IRAG1: variants seen among roughly 807,000 people sequenced by gnomAD.
IRAG1 encodes inositol 1,4,5-triphosphate receptor associated 1.
Under a neutral mutation model 106.2 loss-of-function variants are expected in IRAG1, and 62 were observed. The ratio of observed to expected loss-of-function variants is 0.58; its 90% CI spans 0.48 to 0.72. The LOEUF (loss-of-function observed/expected upper bound fraction) is 0.72, where lower values mean the gene tolerates loss of function less well. Among genes scored for constraint, IRAG1 ranks in the 30% least tolerant of loss-of-function variants. The probability of loss-of-function intolerance (pLI) is 0.00; values close to 1 mark genes in which losing one functional copy is unlikely to be tolerated. For missense variants in IRAG1, 1,064 were observed against 1,140.7 expected, an observed-to-expected ratio of 0.93 and a Z score of 0.97; for synonymous variants, 462 against 443.9, an observed-to-expected ratio of 1.04 and a Z score of -0.51.
At chr11:10,650,663 C>T (rs145632998) in intron 2 of IRAG1, among the ~76,000 whole-genome samples, 144 of 152,270 alleles carry the variant, frequency 9.5e-4, no homozygotes, top group Non-Finnish European at 1.7e-3. Flanking sequence ...TTCCTTAATC[C>T]CCAAGCTTTT....
intron 1 of IRAG1, 21 bp from the exon 2 acceptor site, chr11:10,652,203 C>G: frequency 6.2e-7 from 1 of 1,613,362 alleles, no homozygotes; most frequent in Non-Finnish European, 8.5e-7. Flanking sequence ...GCCAAAAGGA[C>G]AAGTCAAATC....
At chr11:10,584,621 A>T (rs1011606390) in intron 18 of IRAG1, among the ~76,000 whole-genome samples, 1 of 147,302 alleles carries the variant, frequency 6.8e-6, no homozygotes, top group Admixed American at 6.9e-5. Context: ...TTTGATTTAT[A>T]TACAACTGTC....
At chr11:10,617,086 T>C in intron 10 of IRAG1, 1 of 985,408 alleles carries the variant, frequency 1.0e-6, no homozygotes, top group Non-Finnish European at 1.2e-6. Context: ...GACCTGAGGC[T>C]CTGAGTCTAG....
At chr11:10,648,286 C>T (rs1001348166) in intron 2 of IRAG1, among the ~76,000 whole-genome samples, 2 of 152,180 alleles carry the variant, frequency 1.3e-5, no homozygotes, top group African/African-American at 4.8e-5. Context: ...ATCATTTGAA[C>T]CTGGGAGACA....
At chr11:10,631,110 A>G (rs1352766756) in intron 4 of IRAG1, among the ~76,000 whole-genome samples, 1 of 152,242 alleles carries the variant, frequency 6.6e-6, no homozygotes, top group Non-Finnish European at 1.5e-5. Context: ...AAAAGGTTCA[A>G]GAGATGGAAT....
chr11:10,587,768 C>T (rs778071105), intron 18 of IRAG1, among the ~76,000 whole-genome samples: 4 of 152,310 alleles, frequency 2.6e-5, no homozygotes, highest in East Asian at 3.9e-4. Flanking sequence ...CATGCCCAAC[C>T]GGTCACCATG....
intron 19 of IRAG1, among the ~76,000 whole-genome samples, chr11:10,581,058 G>A (rs1851338553): frequency 6.6e-6 from 1 of 152,178 alleles, no homozygotes; most frequent in Non-Finnish European, 1.5e-5. Context: ...CAATGAAGGA[G>A]TTCATGCCCA....
rs1369200895 is a variant in IRAG1, at chr11:10,575,528, G to GTGAC, written c.*800_*803dup. The GTGAC allele has an allele frequency of 6.6e-6, 1 of 152,194 alleles. No individual in the cohort carries two copies. The highest frequency in any genetic ancestry group is 2.4e-5 in the African/African-American group (1 of 41,430). The allele number at this position is 152,194 out of a possible 1,614,324, so 9.4% of individuals were successfully genotyped here. On this transcript the variant is annotated 3_prime_UTR_variant, in exon 21 of 21. Coordinates refer to ENST00000423302, the MANE Select transcript of IRAG1 (RefSeq NM_130385.4). ...GGACAGCTCATTGAACAGGTGCCTG[G>GTGAC]TGACTGCCCCACACTGGTGAAAATC...
chr11:10,593,411 ACC>A, intron 17 of IRAG1, 79 bp downstream of exon 17: 7 of 1,210,484 alleles, frequency 5.8e-6, no homozygotes, highest in Non-Finnish European at 7.0e-6. Flanking sequence ...CCATTTGGTC[ACC>A]CTCCCTGCCC....
chr11:10,681,532 C>T (rs1206284529), intron 1 of IRAG1, among the ~76,000 whole-genome samples: 1 of 152,182 alleles, frequency 6.6e-6, no homozygotes, highest in Non-Finnish European at 1.5e-5. Context: ...CAGTGCCCAG[C>T]TGTCAATTAT....
chr11:10,633,137 C>G lies in IRAG1; in HGVS notation c.329+831G>C, dbSNP rs56403365. Among the ~76,000 whole-genome samples the G allele has an allele frequency of 5.5e-5, 8 of 146,552 alleles. No homozygotes were observed. In the East Asian group the frequency reaches 8.1e-4, roughly 15 times the overall value. ...TCGCCCAGGCTGGAGTGCAGTGGCG[C>G]GATCTGGGCTCACTGCAAGCTCCGC... On this transcript the variant is annotated intron_variant, in intron 3 of 20. Transcript: ENST00000423302.
chr11:10,621,697 A>G (rs1453777261), intron 10 of IRAG1, among the ~76,000 whole-genome samples: 2 of 152,236 alleles, frequency 1.3e-5, no homozygotes, highest in East Asian at 3.8e-4. Context: ...TGCCCCTCTT[A>G]GCTGACTGGG....
At chr11:10,599,370 G>T (rs184077433) in intron 15 of IRAG1, among the ~76,000 whole-genome samples, 6 of 152,330 alleles carry the variant, frequency 3.9e-5, no homozygotes, top group Middle Eastern at 3.4e-3. Context: ...TCTTAGGTAA[G>T]GTGGTTTGCA....
At chr11:10,579,879 T>C (rs1591532162) in intron 20 of IRAG1, among the ~76,000 whole-genome samples, 1 of 152,194 alleles carries the variant, frequency 6.6e-6, no homozygotes, top group African/African-American at 2.4e-5. Flanking sequence ...ACCTTTGAAA[T>C]AGGAAGTATT....
intron 12 of IRAG1, 36 bp downstream of exon 12, chr11:10,606,706 G>T: frequency 1.9e-6 from 3 of 1,579,366 alleles, no homozygotes; most frequent in Non-Finnish European, 2.6e-6. Flanking sequence ...AGTCAAGCAC[G>T]GGCACTAAAT....
chr11:10,580,714 A>G, intron 19 of IRAG1, 125 bp from the exon 20 acceptor site: 1 of 1,196,122 alleles, frequency 8.4e-7, no homozygotes, highest in East Asian at 2.4e-5. Flanking sequence ...GGTTCCACAA[A>G]ACAGGAAAAA....
At position 10,575,034 on chromosome 11, in the gene IRAG1, G is replaced by A. The variant is rs1208386682; in HGVS notation, c.*1298C>T. On this transcript the variant is annotated 3_prime_UTR_variant, in exon 21 of 21. Coordinates refer to ENST00000423302, the MANE Select transcript of IRAG1 (RefSeq NM_130385.4). ...TTGGCTCATAGTAAGTCGTATATGAGTTTTAGCAATGAAAGCAAACAATAT... is the reference window on the plus strand; with the variant it reads ...TTGGCTCATAGTAAGTCGTATATGAATTTTAGCAATGAAAGCAAACAATAT... The A allele has an allele frequency of 6.6e-6, 1 of 152,118 alleles. No individual in the cohort carries two copies. Among genetic ancestry groups the A allele is most frequent in the African/African-American group, 2.4e-5 (1 of 41,408 alleles). 9.4% of individuals were successfully genotyped at this position (152,118 alleles called of 1,614,324 possible). A position where few individuals can be genotyped will look rare whatever the true frequency, so the allele number is the denominator to read the frequency against.
chr11:10,585,912 T>A (rs1851915751), intron 18 of IRAG1: 1 of 151,926 alleles, frequency 6.6e-6, no homozygotes. Context: ...CCGCTTTTCT[T>A]TCAATAGAAG....
intron 11 of IRAG1, 101 bp downstream of exon 11, chr11:10,609,627 G>T: frequency 7.3e-7 from 1 of 1,374,560 alleles, no homozygotes; most frequent in East Asian, 2.5e-5. Flanking sequence ...TGGCCCTTCT[G>T]GGTTCAAGAA....
Sources: allele counts gnomAD v4.1 joint callset (sites outside exome capture counted in the v4.1 genomes callset), GRCh38; gene constraint gnomAD v4.1.1; transcripts MANE v1.5; gene names NCBI Gene and HGNC (gene_info 2026-07-23, HGNC 2026-07-21).